TBC1D12: variants seen among roughly 807,000 people sequenced by gnomAD.
The protein encoded by TBC1D12 is TBC1 domain family, member 12.
TBC1D12 carries 56 observed loss-of-function variants against 86.7 expected under a neutral mutation model. The ratio of observed to expected loss-of-function variants is 0.65; its 90% CI spans 0.52 to 0.81. The LOEUF (loss-of-function observed/expected upper bound fraction) is 0.81, where lower values mean the gene tolerates loss of function less well. TBC1D12 is among the 30% of genes least tolerant of loss of function. The probability of loss-of-function intolerance (pLI) is 0.00; values close to 1 mark genes in which losing one functional copy is unlikely to be tolerated. For missense variants in TBC1D12, 1,023 were observed against 1,038.8 expected, an observed-to-expected ratio of 0.98 and a Z score of 0.21; for synonymous variants, 421 against 411.7, an observed-to-expected ratio of 1.02 and a Z score of -0.27.
At chr10:94,441,303 A>C (rs989451306) in intron 1 of TBC1D12, among the ~76,000 whole-genome samples, 2 of 152,006 alleles carry the variant, frequency 1.3e-5, no homozygotes, top group Non-Finnish European at 1.5e-5. Flanking sequence ...TAGTAGATAT[A>C]ATTTTATTAT....
intron 2 of TBC1D12, among the ~76,000 whole-genome samples, chr10:94,443,877 T>C (rs2055415026): frequency 6.6e-6 from 1 of 152,180 alleles, no homozygotes. Flanking sequence ...ATTGCGGTTA[T>C]TTAAGAATGA....
intron 2 of TBC1D12, among the ~76,000 whole-genome samples, chr10:94,458,441 G>A (rs2055662045): frequency 6.6e-6 from 1 of 152,094 alleles, no homozygotes; most frequent in African/African-American, 2.4e-5. Flanking sequence ...TCTGTTATAA[G>A]CAACAGAAAA....
Position 94,402,601 on chromosome 10 carries a change from C to A in TBC1D12, c.-13C>A. On this transcript the variant is annotated 5_prime_UTR_variant, in exon 1 of 13. Coordinates refer to ENST00000225235, the MANE Select transcript of TBC1D12 (RefSeq NM_015188.2). Reference sequence around the variant, plus strand: ...CTTCTTTGCCTCCTGGGGCGGCCGCCACCCACCCCCAGATGGTGGGTCCGG... The same window carrying A: ...CTTCTTTGCCTCCTGGGGCGGCCGCAACCCACCCCCAGATGGTGGGTCCGG... The A allele has an allele frequency of 6.2e-7, 1 of 1,609,714 alleles. No individual in the cohort carries two copies. Among genetic ancestry groups the A allele is most frequent in the East Asian group, 2.2e-5 (1 of 44,642 alleles).
At chr10:94,434,814 A>G (rs2055272731) in intron 1 of TBC1D12, among the ~76,000 whole-genome samples, 1 of 152,104 alleles carries the variant, frequency 6.6e-6, no homozygotes, top group Non-Finnish European at 1.5e-5. Context: ...GGCTGAGGCA[A>G]GAGGACTGTT....
chr10:94,504,822 T>C (rs2056440809), intron 6 of TBC1D12, among the ~76,000 whole-genome samples: 1 of 152,206 alleles, frequency 6.6e-6, no homozygotes, highest in African/African-American at 2.4e-5. Flanking sequence ...AATATCATAA[T>C]TGTCACAAAA....
intron 2 of TBC1D12, among the ~76,000 whole-genome samples, chr10:94,456,037 T>C (rs140238357): frequency 1.3e-5 from 2 of 152,332 alleles, no homozygotes; most frequent in East Asian, 3.9e-4. Flanking sequence ...TACTTTCATT[T>C]CTGATATTAG....
Position 94,403,453 on chromosome 10 carries a change from C to T in TBC1D12, c.840C>T (p.Ser280=). The change falls in exon 1 of 13, where the codon AGC becomes AGT. Residue 280 remains serine, a synonymous_variant. Coordinates refer to ENST00000225235, the MANE Select transcript of TBC1D12 (RefSeq NM_015188.2). ...ACTCTCGCAACACGTTCCAGGTGAG[C>T]CGCGGTCAGAGCGCCCGCGATCACC... is the stretch of plus-strand genomic sequence containing the variant. ...HFNSRNTFQV[S]RGQSARDHLP... The T allele has an allele frequency of 1.9e-6, 3 of 1,545,140 alleles. No homozygotes were observed. The highest frequency in any genetic ancestry group is 2.6e-6 in the Non-Finnish European group (3 of 1,145,778).
intron 7 of TBC1D12, 51 bp downstream of exon 7, chr10:94,507,398 G>A: frequency 6.9e-7 from 1 of 1,453,270 alleles, no homozygotes; most frequent in Non-Finnish European, 9.5e-7. Context: ...TTCAGATACT[G>A]AGCATGTATC....
At chr10:94,487,155 G>A (rs904673080) in intron 3 of TBC1D12, among the ~76,000 whole-genome samples, 1 of 151,266 alleles carries the variant, frequency 6.6e-6, no homozygotes, top group Non-Finnish European at 1.5e-5. Flanking sequence ...CCATTGGCAT[G>A]GAATATCTTT....
intron 7 of TBC1D12, among the ~76,000 whole-genome samples, chr10:94,508,190 A>G (rs940221593): frequency 4.7e-5 from 7 of 150,298 alleles, no homozygotes; most frequent in South Asian, 2.1e-4. Context: ...CTGGACTCCA[A>G]TTACATGTAT....
At chr10:94,528,813 C>T (rs1424728996) in intron 11 of TBC1D12, among the ~76,000 whole-genome samples, 1 of 144,632 alleles carries the variant, frequency 6.9e-6, no homozygotes, top group African/African-American at 2.6e-5. Flanking sequence ...TAGAGCAAGA[C>T]TGTGTCTCCA....
intron 1 of TBC1D12, among the ~76,000 whole-genome samples, chr10:94,419,888 G>C (rs901432345): frequency 2.0e-5 from 3 of 152,080 alleles, no homozygotes; most frequent in African/African-American, 7.2e-5. Flanking sequence ...CTTTTGGTTT[G>C]GGATACTTAC....
intron 2 of TBC1D12, among the ~76,000 whole-genome samples, chr10:94,467,225 T>G (rs189856741): frequency 2.7e-4 from 41 of 152,008 alleles, no homozygotes; most frequent in Admixed American, 2.6e-4. Context: ...AGTCGAGTTT[T>G]TTTTTGTTTT....
At chr10:94,459,608 G>A (rs1031199710) in intron 2 of TBC1D12, among the ~76,000 whole-genome samples, 4 of 152,348 alleles carry the variant, frequency 2.6e-5, no homozygotes, top group East Asian at 1.9e-4. Flanking sequence ...GGGGGAGCTC[G>A]GGCATGGCAG....
At chr10:94,531,139 C>G in intron 11 of TBC1D12, 63 bp from the exon 12 acceptor site, 13 of 1,534,926 alleles carry the variant, frequency 8.5e-6, no homozygotes, top group Non-Finnish European at 1.1e-5. Flanking sequence ...TATAGAGATG[C>G]TTACTGAGTA....
chr10:94,524,302 C>CA (rs111991468), intron 11 of TBC1D12, among the ~76,000 whole-genome samples: 31 of 152,284 alleles, frequency 2.0e-4, no homozygotes, highest in African/African-American at 6.7e-4. Flanking sequence ...GGCCAGGACT[C>CA]AGTCATGTGG....
intron 2 of TBC1D12, among the ~76,000 whole-genome samples, chr10:94,451,507 C>A (rs1408523625): frequency 6.6e-6 from 1 of 152,010 alleles, no homozygotes; most frequent in African/African-American, 2.4e-5. Context: ...GTTTTTAATT[C>A]TTGTGTTCCT....
At chr10:94,430,901 A>G (rs928927604) in intron 1 of TBC1D12, among the ~76,000 whole-genome samples, 1 of 152,282 alleles carries the variant, frequency 6.6e-6, no homozygotes, top group East Asian at 1.9e-4. Flanking sequence ...GGGGCAACTT[A>G]TTGCTCAACT....
At position 94,465,916 on chromosome 10, in the gene TBC1D12, A is replaced by G. The variant is rs575360955; in HGVS notation, c.1096-8752A>G. Among the ~76,000 whole-genome samples, 10 of 151,144 alleles carry G rather than the reference A, an allele frequency of 6.6e-5. No homozygotes were observed. In the South Asian group the frequency reaches 8.3e-4, roughly 13 times the overall value. On this transcript the variant is annotated intron_variant, in intron 2 of 12. Transcript: ENST00000225235. ...CATACATACGCATATATACATATAT[A>G]CGTATATATGCGTATATATGTATAT...
Sources: gnomAD v4.1 joint callset for allele counts (sites outside exome capture counted in the v4.1 genomes callset) on GRCh38, gnomAD v4.1.1 for gene constraint, MANE v1.5 for transcripts, NCBI Gene and HGNC (gene_info 2026-07-23, HGNC 2026-07-21) for gene names.